Variants in CLMP observed in about 807,000 individuals in gnomAD.
The protein encoded by CLMP is CXADR-like membrane protein.
In CLMP, 27 loss-of-function variants were observed where a neutral mutation model predicts 45.2. That is an observed-to-expected ratio of 0.60 (90% confidence interval 0.44 to 0.82). CLMP has a LOEUF of 0.82. Ranked by LOEUF, CLMP falls within the 40% of genes least tolerant of loss-of-function variation. The pLI is 0.00. For missense variants in CLMP, 403 were observed against 448.4 expected (o/e 0.90, Z 0.91); for synonymous variants, 167 against 171.4 (o/e 0.97, Z 0.20).
chr11:123,184,289 T>C (rs1861804987), intron 1 of CLMP, among the ~76,000 whole-genome samples: 1 of 152,072 alleles, frequency 6.6e-6, no homozygotes, highest in African/African-American at 2.4e-5. Context: ...GAGATGGGGT[T>C]TCACCATGTT....
At chr11:123,119,276 T>C (rs188975405) in intron 1 of CLMP, among the ~76,000 whole-genome samples, 3,387 of 150,658 alleles carry the variant, frequency 0.022, 132 homozygotes, top group African/African-American at 0.077. Context: ...AGAGAGGGGG[T>C]TTCTCCATGT....
At position 123,097,515 on chromosome 11, in the gene CLMP, G is replaced by T. The variant is rs554936476; in HGVS notation, c.186+280C>A. Among the ~76,000 whole-genome samples the T allele has an allele frequency of 3.3e-5, 5 of 152,082 alleles. No homozygotes were observed. In the East Asian group the frequency reaches 9.7e-4, roughly 29 times the overall value. The stretch of plus-strand genomic sequence containing the variant: ...ACCACACCCGGCTATTATTAGTAGA[G>T]ACAAGGTTTCACCATGTTGGCCAGG... On this transcript the variant is annotated intron_variant, in intron 2 of 6. Transcript: ENST00000448775.
At chr11:123,158,233 C>A (rs1394372982) in intron 1 of CLMP, among the ~76,000 whole-genome samples, 1 of 152,136 alleles carries the variant, frequency 6.6e-6, no homozygotes, top group Non-Finnish European at 1.5e-5. Context: ...CTCTAAGTGC[C>A]CTTCCAATTA....
At chr11:123,175,634 T>C (rs1163170022) in intron 1 of CLMP, among the ~76,000 whole-genome samples, 4 of 152,262 alleles carry the variant, frequency 2.6e-5, no homozygotes, top group Non-Finnish European at 2.9e-5. Context: ...GCTTTTCCTT[T>C]ATCTTTTATG....
intron 1 of CLMP, among the ~76,000 whole-genome samples, chr11:123,115,297 C>G (rs1212304182): frequency 6.6e-6 from 1 of 151,912 alleles, no homozygotes; most frequent in East Asian, 1.9e-4. Flanking sequence ...ATCCTCTTTT[C>G]TAGGCTCTCA....
At chr11:123,084,915 A>G (rs909020968) in intron 2 of CLMP, among the ~76,000 whole-genome samples, 1 of 152,240 alleles carries the variant, frequency 6.6e-6, no homozygotes, top group African/African-American at 2.4e-5. Context: ...TCCAAAAATA[A>G]TAACACTTCA....
chr11:123,189,110 C>T (rs1231146152), intron 1 of CLMP, among the ~76,000 whole-genome samples: 1 of 152,196 alleles, frequency 6.6e-6, no homozygotes, highest in South Asian at 2.1e-4. Flanking sequence ...AAGTAGTTCT[C>T]AGTTATAAAC....
chr11:123,076,755 C>T (rs1214988348), intron 5 of CLMP, among the ~76,000 whole-genome samples: 1 of 151,748 alleles, frequency 6.6e-6, no homozygotes, highest in Non-Finnish European at 1.5e-5. Context: ...AATGTGAGAG[C>T]AATAAAAGAG....
chr11:123,135,009 C>T (rs999317144), intron 1 of CLMP, among the ~76,000 whole-genome samples: 10 of 151,654 alleles, frequency 6.6e-5, no homozygotes, highest in African/African-American at 2.0e-4. Context: ...CCTGTAATCC[C>T]AGCACTTTGG....
intron 2 of CLMP, 74 bp downstream of exon 2, chr11:123,097,721 A>G (rs1866006398): frequency 1.7e-6 from 2 of 1,188,082 alleles, no homozygotes; most frequent in South Asian, 3.4e-5. Flanking sequence ...CCAGAAAGAA[A>G]GACTGGAAGA....
At position 123,141,464 on chromosome 11, in the gene CLMP, G is replaced by A. The variant is rs558913301; in HGVS notation, c.29-43512C>T. On this transcript the variant is annotated intron_variant, in intron 1 of 6. Transcript: ENST00000448775. ...CTCCCAAAGTGCTGGGATTACAGGT[G>A]TGAGCCACCGCGCCCGGCCAGGCAT... Among the ~76,000 whole-genome samples the A allele has an allele frequency of 2.0e-5, 3 of 152,194 alleles. No homozygotes were observed. The South Asian group carries it at 6.2e-4, about 32-fold the overall frequency.
intron 1 of CLMP, among the ~76,000 whole-genome samples, chr11:123,156,003 C>T (rs748475848): frequency 6.6e-6 from 1 of 152,040 alleles, no homozygotes; most frequent in Non-Finnish European, 1.5e-5. Context: ...TTTATGTCCC[C>T]CCAAAAATTC....
At chr11:123,099,031 GTTA>G (rs1376828185) in intron 1 of CLMP, among the ~76,000 whole-genome samples, 3 of 151,980 alleles carry the variant, frequency 2.0e-5, no homozygotes, top group Non-Finnish European at 4.4e-5. Flanking sequence ...GTCTTGCTCT[GTTA>G]TTATGCCAGG....
intron 1 of CLMP, among the ~76,000 whole-genome samples, chr11:123,111,969 C>G (rs530922990): frequency 1.2e-3 from 179 of 152,218 alleles, no homozygotes; most frequent in African/African-American, 4.0e-3. Flanking sequence ...CCAGGTTGGT[C>G]TTGAACTCTG....
intron 1 of CLMP, among the ~76,000 whole-genome samples, chr11:123,189,254 A>G (rs796397694): frequency 1.3e-5 from 2 of 152,240 alleles, no homozygotes; most frequent in African/African-American, 2.4e-5. Context: ...CACTCTTCTC[A>G]GTAACACAGA....
intron 2 of CLMP, among the ~76,000 whole-genome samples, chr11:123,088,448 C>CTT (rs1865890069): frequency 6.6e-6 from 1 of 152,000 alleles, no homozygotes; most frequent in Non-Finnish European, 1.5e-5. Flanking sequence ...CCATATTTCC[C>CTT]CCAGATGCAT....
At chr11:123,089,628 T>C (rs1267532651) in intron 2 of CLMP, among the ~76,000 whole-genome samples, 2 of 151,002 alleles carry the variant, frequency 1.3e-5, no homozygotes, top group African/African-American at 2.4e-5. Flanking sequence ...AGCCAAAATA[T>C]TAGCTGGGTG....
chr11:123,073,517 G>C lies in CLMP; in HGVS notation c.1079C>G (p.Pro360Arg). Residue 360 changes from proline to arginine, a missense_variant, in exon 7 of 7, where the codon CCC becomes CGC. Physicochemically the swap from Pro to Arg is moderately radical, Grantham distance 103 (BLOSUM62 -2). Coordinates refer to ENST00000448775, the MANE Select transcript of CLMP (RefSeq NM_024769.5). ...TCTGCTCTGGCTGGGGATCATGCTG[G>C]GTGTGGTTTCTGCTTTGGTCAGATT... ...HANLTKAETTPSMIPSQSRAF... is the reference protein window; with the variant it reads ...HANLTKAETTRSMIPSQSRAF... 1 of 1,614,126 alleles carries C rather than the reference G, an allele frequency of 6.2e-7. No individual in the cohort carries two copies. The highest frequency in any genetic ancestry group is 1.7e-5 in the Admixed American group (1 of 60,008).
At chr11:123,100,382 GAAAA>G (rs534661450) in intron 1 of CLMP, among the ~76,000 whole-genome samples, 3 of 135,712 alleles carry the variant, frequency 2.2e-5, no homozygotes, top group African/African-American at 8.1e-5. Context: ...CTCCCTCTCA[GAAAA>G]AAAAAAAAAA....
Sources: gnomAD v4.1 joint callset for allele counts (sites outside exome capture counted in the v4.1 genomes callset) on GRCh38, gnomAD v4.1.1 for gene constraint, MANE v1.5 for transcripts, NCBI Gene and HGNC (gene_info 2026-07-23, HGNC 2026-07-21) for gene names.